Variants in AGBL1 observed in about 807,000 individuals in gnomAD.
The protein encoded by AGBL1 is AGBL carboxypeptidase 1.
AGBL1 carries 130 observed loss-of-function variants against 118.9 expected under a neutral mutation model. The ratio of observed to expected loss-of-function variants is 1.09; its 90% CI spans 0.95 to 1.26. AGBL1 has a LOEUF of 1.26. AGBL1 is among the 50% of genes most tolerant of loss of function. The pLI, the probability that AGBL1 is intolerant of heterozygous loss-of-function variation, is 0.00. For missense variants in AGBL1, 1,584 were observed against 1,298.1 expected, an observed-to-expected ratio of 1.22 and a Z score of -3.38; for synonymous variants, 555 against 478.9, an observed-to-expected ratio of 1.16 and a Z score of -2.08.
chr15:86,536,050 A>G (rs1164476505), intron 19 of AGBL1, among the ~76,000 whole-genome samples: 1 of 152,184 alleles, frequency 6.6e-6, no homozygotes, highest in Non-Finnish European at 1.5e-5. Context: ...CCTGAATTAA[A>G]AATATTTCAG....
At chr15:86,401,544 T>G (rs1209822807) in intron 18 of AGBL1, among the ~76,000 whole-genome samples, 4 of 152,120 alleles carry the variant, frequency 2.6e-5, no homozygotes, top group Non-Finnish European at 5.9e-5. Context: ...CCTAGAAGAG[T>G]TGTTACAATG....
intron 24 of AGBL1, among the ~76,000 whole-genome samples, chr15:86,991,559 C>G (rs572669385): frequency 3.2e-4 from 49 of 152,154 alleles, no homozygotes; most frequent in African/African-American, 1.1e-3. Flanking sequence ...TAAGGATGAT[C>G]TAGGCAATAA....
At chr15:86,505,181 A>G (rs957703002) in intron 18 of AGBL1, among the ~76,000 whole-genome samples, 58 of 151,824 alleles carry the variant, frequency 3.8e-4, no homozygotes, top group African/African-American at 1.4e-3. Context: ...TGTAGCTTTC[A>G]AAATTCTCTT....
At chr15:86,151,940 A>T (rs2077117541) in intron 3 of AGBL1, among the ~76,000 whole-genome samples, 1 of 152,178 alleles carries the variant, frequency 6.6e-6, no homozygotes, top group South Asian at 2.1e-4. Flanking sequence ...AGAATAAAAT[A>T]CCTAGGAATC....
At chr15:86,492,956 A>G (rs528637448) in intron 18 of AGBL1, among the ~76,000 whole-genome samples, 1 of 152,092 alleles carries the variant, frequency 6.6e-6, no homozygotes, top group Non-Finnish European at 1.5e-5. Context: ...TGGGAGACTG[A>G]GGTGGGCAGA....
At chr15:86,743,847 G>A (rs2048927237) in intron 22 of AGBL1, among the ~76,000 whole-genome samples, 1 of 151,822 alleles carries the variant, frequency 6.6e-6, no homozygotes. Flanking sequence ...CCTTTCCAGT[G>A]TATCTGATCA....
At chr15:86,612,712 G>A (rs1430005751) in intron 21 of AGBL1, among the ~76,000 whole-genome samples, 2 of 152,084 alleles carry the variant, frequency 1.3e-5, no homozygotes, top group Admixed American at 6.5e-5. Context: ...ATTTGCACTC[G>A]GTAGAGAACC....
At chr15:86,887,324 C>G (rs1373641491) in intron 22 of AGBL1, among the ~76,000 whole-genome samples, 2 of 152,050 alleles carry the variant, frequency 1.3e-5, no homozygotes, top group Non-Finnish European at 2.9e-5. Context: ...CTTTTAAACT[C>G]TTCCTATTAT....
chr15:86,888,877 C>A (rs1453694659), intron 22 of AGBL1, among the ~76,000 whole-genome samples: 1 of 152,032 alleles, frequency 6.6e-6, no homozygotes, highest in Non-Finnish European at 1.5e-5. Context: ...TGGAAATGAG[C>A]AAAGCGCTGA....
At chr15:86,988,077 G>C (rs1365438200) in exon 24 of AGBL1, 19 of 1,613,344 alleles carry the variant, frequency 1.2e-5, no homozygotes, top group Non-Finnish European at 1.4e-5. Flanking sequence ...ACCTTCTTCT[G>C]CATGTCTCCC....
intron 21 of AGBL1, among the ~76,000 whole-genome samples, chr15:86,657,804 T>C (rs540129475): frequency 2.0e-5 from 3 of 151,864 alleles, no homozygotes; most frequent in East Asian, 3.9e-4. Context: ...GCTACTGGCC[T>C]GGGGTAGACC....
chr15:86,563,865 G>C (rs530834356), intron 21 of AGBL1, among the ~76,000 whole-genome samples: 3 of 152,230 alleles, frequency 2.0e-5, no homozygotes, highest in Non-Finnish European at 4.4e-5. Flanking sequence ...TTGTTGAATT[G>C]ATCCCTTTAC....
At chr15:86,221,212 A>G (rs569391412) in intron 5 of AGBL1, among the ~76,000 whole-genome samples, 1 of 152,256 alleles carries the variant, frequency 6.6e-6, no homozygotes, top group East Asian at 1.9e-4. Flanking sequence ...AAAATAAAAA[A>G]TAAAAAATGA....
chr15:86,820,145 G>C (rs1347882474), intron 22 of AGBL1, among the ~76,000 whole-genome samples: 2 of 152,172 alleles, frequency 1.3e-5, no homozygotes, highest in Non-Finnish European at 2.9e-5. Flanking sequence ...ATTAACTCAA[G>C]ATGGATATAA....
rs114729394 is a variant in AGBL1 at position 86,400,439 on chromosome 15, G to A, written c.2555+2893G>A. ...TTATTAATAGGCTCCTTTTTGTGAC[G>A]CTGTGGTCTTTTGTCCTTTGTAATG... On this transcript the variant is annotated intron_variant, in intron 18 of 22. Coordinates refer to ENST00000614907, the MANE Select transcript of AGBL1 (RefSeq NM_001386094.1). 9.0e-3 allele frequency among the ~76,000 whole-genome samples: 1,346 copies of A among 149,976 alleles called. 14 individuals are homozygous for A. Among genetic ancestry groups the A allele is most frequent in the African/African-American group, 0.03 (1,210 of 41,010 alleles).
chr15:86,544,877 T>G (rs1462054142), intron 19 of AGBL1, among the ~76,000 whole-genome samples: 2 of 152,110 alleles, frequency 1.3e-5, no homozygotes, highest in Non-Finnish European at 2.9e-5. Flanking sequence ...CATACAAGAA[T>G]AGAAAAAAAG....
intron 17 of AGBL1, among the ~76,000 whole-genome samples, chr15:86,333,609 G>T (rs2080311690): frequency 6.6e-6 from 1 of 152,130 alleles, no homozygotes; most frequent in Non-Finnish European, 1.5e-5. Context: ...GACATACAAA[G>T]AAGAGCTGGT....
At chr15:86,094,189 C>G (rs1896208100) in intron 1 of AGBL1, among the ~76,000 whole-genome samples, 1 of 152,098 alleles carries the variant, frequency 6.6e-6, no homozygotes, top group South Asian at 2.1e-4. Context: ...TTTAAGCTCT[C>G]ATTTATAAGC....
chr15:86,368,545 T>C (rs1006782045), intron 17 of AGBL1, among the ~76,000 whole-genome samples: 10 of 152,118 alleles, frequency 6.6e-5, no homozygotes, highest in Admixed American at 6.5e-5. Context: ...ATCTTGTAAA[T>C]GAAAAAAGTA....
Sources: allele counts gnomAD v4.1 joint callset (sites outside exome capture counted in the v4.1 genomes callset), GRCh38; gene constraint gnomAD v4.1.1; transcripts MANE v1.5; gene names NCBI Gene and HGNC (gene_info 2026-07-23, HGNC 2026-07-21).